The following CAPN3 variants were observed in gnomAD, a reference collection of about 807,000 sequenced individuals.
The protein encoded by CAPN3 is calpain 3, also known as calpain-3.
CAPN3 carries 88 observed loss-of-function variants against 114.0 expected under a neutral mutation model. That is an observed-to-expected ratio of 0.77 (90% CI 0.65 to 0.92). The LOEUF (loss-of-function observed/expected upper bound fraction) is 0.92. Among genes scored for constraint, CAPN3 ranks in the 40% least tolerant of loss-of-function variants. The probability of loss-of-function intolerance (pLI) is 0.00; values close to 1 mark genes in which losing one functional copy is unlikely to be tolerated. For missense variants in CAPN3, 1,028 were observed against 1,069.0 expected, an observed-to-expected ratio of 0.96 and a Z score of 0.53; for synonymous variants, 386 against 382.9, an observed-to-expected ratio of 1.01 and a Z score of -0.09.
intron 1 of CAPN3, among the ~76,000 whole-genome samples, chr15:42,377,649 C>T (rs1310181475): frequency 2.0e-5 from 3 of 152,166 alleles, no homozygotes; most frequent in Non-Finnish European, 4.4e-5. Context: ...GTATCTTTTA[C>T]TGGCTTGCAT....
At chr15:42,393,494 T>G (rs2053611434) in intron 7 of CAPN3, among the ~76,000 whole-genome samples, 1 of 152,200 alleles carries the variant, frequency 6.6e-6, no homozygotes, top group Admixed American at 6.5e-5. Context: ...AGGGATGGGC[T>G]GAGAGGGGCA....
chr15:42,390,185 G>A, intron 6 of CAPN3, 89 bp downstream of exon 6: 1 of 1,468,826 alleles, frequency 6.8e-7, no homozygotes, highest in East Asian at 2.3e-5. Flanking sequence ...CAGCAGCCAG[G>A]GCCTTACCCA....
rs2053879375 is a variant in CAPN3 at position 42,401,796 on chromosome 15, T to C, written c.1510T>C (p.Phe504Leu). The C allele has an allele frequency of 1.2e-6, 2 of 1,613,496 alleles. No homozygotes were observed. Among genetic ancestry groups the C allele is most frequent in the African/African-American group, 1.3e-5 (1 of 74,904 alleles). Residue 504 changes from phenylalanine to leucine, a missense_variant, in exon 11 of 24, where the codon TTC (phenylalanine) becomes CTC (leucine). Transcript: ENST00000397163. ...AGGGGCCAGTCTCTTCACCATTGGC[T>C]TCGCCATCTACGAGGTGTGCAGTCC... The part of the protein sequence containing the change: ...KLGASLFTIG[F>L]AIYEVPKEMH...
In CAPN3 at chr15:42,380,751, A is replaced by ATTT. The variant is rs59923448; in HGVS notation, c.310-3714_310-3712dup. 1.1e-3 allele frequency among the ~76,000 whole-genome samples: 69 copies of ATTT among 64,458 alleles called. 2 individuals are homozygous for ATTT. Among genetic ancestry groups the ATTT allele is most frequent in the African/African-American group, 5.5e-3 (61 of 11,178 alleles). 42.3% of individuals were successfully genotyped at this position (64,458 alleles called of 152,430 possible). A position where few individuals can be genotyped will look rare whatever the true frequency, so the allele number is the denominator to read the frequency against. The stretch of plus-strand genomic sequence containing the variant: ...CCCATATATATATATATATATATAT[A>ATTT]TTTTTTTTTTTTTTTTTTTTGTAAA... On this transcript the variant is annotated intron_variant, in intron 1 of 23. Transcript: ENST00000397163.
At chr15:42,360,225 C>A in intron 1 of CAPN3, 111 bp downstream of exon 1, 1 of 1,150,208 alleles carries the variant, frequency 8.7e-7, no homozygotes, top group Non-Finnish European at 1.3e-6. Context: ...AGGATCCTGG[C>A]AGCAGCTCTG....
intron 1 of CAPN3, among the ~76,000 whole-genome samples, chr15:42,369,952 A>T (rs1426010515): frequency 6.6e-6 from 1 of 150,502 alleles, no homozygotes; most frequent in Non-Finnish European, 1.5e-5. Context: ...GGCTTACTGC[A>T]ACATACATCT....
intron 1 of CAPN3, among the ~76,000 whole-genome samples, chr15:42,380,516 G>T (rs1372436801): frequency 6.8e-6 from 1 of 147,884 alleles, no homozygotes; most frequent in African/African-American, 2.5e-5. Context: ...GAGTAGCTGG[G>T]ACTACAGGTG....
intron 1 of CAPN3, among the ~76,000 whole-genome samples, chr15:42,377,142 A>G (rs1381477452): frequency 6.6e-6 from 1 of 151,880 alleles, no homozygotes; most frequent in Non-Finnish European, 1.5e-5. Context: ...TTTGTTTCCA[A>G]TATTTATATC....
chr15:42,394,004 C>T (rs1199992986), intron 7 of CAPN3, among the ~76,000 whole-genome samples: 1 of 152,074 alleles, frequency 6.6e-6, no homozygotes, highest in African/African-American at 2.4e-5. Flanking sequence ...GCAGGATGTT[C>T]CTGAGAAAAT....
At chr15:42,386,344 C>A in intron 3 of CAPN3, 59 bp downstream of exon 3, 1 of 1,157,618 alleles carries the variant, frequency 8.6e-7, no homozygotes. Flanking sequence ...CGCTGGTCTC[C>A]TGGCCTTGAC....
intron 1 of CAPN3, among the ~76,000 whole-genome samples, chr15:42,380,598 T>C (rs531381679): frequency 2.0e-5 from 3 of 147,728 alleles, no homozygotes; most frequent in South Asian, 2.1e-4. Flanking sequence ...TGTATATATA[T>C]GTATGTGTAT....
At position 42,405,944 on chromosome 15, in the gene CAPN3, G is replaced by T; in HGVS notation, c.1800+1G>T. The T allele has an allele frequency of 6.2e-7, 1 of 1,611,936 alleles. No homozygotes were observed. Among genetic ancestry groups the T allele is most frequent in the Non-Finnish European group, 8.5e-7 (1 of 1,178,024 alleles). On this transcript the variant is annotated splice_donor_variant, in intron 15 of 23. Transcript: ENST00000397163. LOFTEE classifies it high-confidence loss of function. Reference sequence around the variant, plus strand: ...TATGCAGAAAAAGAAAAAAACCAAGGTAGGTGTGTGGGTAGAGAGCATGAA... The same window carrying T: ...TATGCAGAAAAAGAAAAAAACCAAGTTAGGTGTGTGGGTAGAGAGCATGAA...
chr15:42,377,246 A>C (rs1320430581), intron 1 of CAPN3, among the ~76,000 whole-genome samples: 2 of 152,160 alleles, frequency 1.3e-5, no homozygotes, highest in African/African-American at 4.8e-5. Context: ...CTTTGTTCCT[A>C]GTCTTAAGGG....
chr15:42,403,860 A>T, intron 14 of CAPN3, 83 bp downstream of exon 14: 1 of 1,219,056 alleles, frequency 8.2e-7, no homozygotes, highest in Non-Finnish European at 1.2e-6. Context: ...GCAGGGGAGA[A>T]TGGGCACTGG....
At chr15:42,391,389 A>G (rs2053552379) in intron 6 of CAPN3, among the ~76,000 whole-genome samples, 1 of 152,146 alleles carries the variant, frequency 6.6e-6, no homozygotes, top group Non-Finnish European at 1.5e-5. Context: ...GAGTCATTTC[A>G]AGCAGCTTCC....
chr15:42,401,580 C>T lies in CAPN3; in HGVS notation c.1355-61C>T. Reference sequence around the variant, plus strand: ...TAGAAATAAATGGCTCCCTCTGTCTCATCCCCTTCCTGCCCTCTGAGAGGC... The same window carrying T: ...TAGAAATAAATGGCTCCCTCTGTCTTATCCCCTTCCTGCCCTCTGAGAGGC... On this transcript the variant is annotated intron_variant, in intron 10 of 23. Coordinates refer to ENST00000397163, the MANE Select transcript of CAPN3 (RefSeq NM_000070.3). 3 of 1,473,214 alleles carry T rather than the reference C, an allele frequency of 2.0e-6. No homozygotes were observed. In the South Asian group the frequency reaches 3.4e-5, roughly 17 times the overall value. 91.3% of individuals were successfully genotyped at this position (1,473,214 alleles called of 1,614,324 possible). A position where few individuals can be genotyped will look rare whatever the true frequency, so the allele number is the denominator to read the frequency against.
At chr15:42,379,039 C>T (rs993511835) in intron 1 of CAPN3, among the ~76,000 whole-genome samples, 20 of 152,212 alleles carry the variant, frequency 1.3e-4, no homozygotes, top group Middle Eastern at 3.4e-3. Flanking sequence ...GGTTGCCGGA[C>T]GCAGTGGCGC....
chr15:42,408,440 T>C (rs770468764), intron 16 of CAPN3, 116 bp downstream of exon 16: 29 of 711,060 alleles, frequency 4.1e-5, no homozygotes, highest in Admixed American at 3.3e-4. Context: ...ATCTGGAGGT[T>C]TGAATTTGTC....
chr15:42,364,880 G>A (rs1433768369), intron 1 of CAPN3, among the ~76,000 whole-genome samples: 1 of 152,210 alleles, frequency 6.6e-6, no homozygotes, highest in African/African-American at 2.4e-5. Context: ...TCCCAAAGCA[G>A]GGGCAACCTA....
Sources: allele counts gnomAD v4.1 joint callset (sites outside exome capture counted in the v4.1 genomes callset), GRCh38; gene constraint gnomAD v4.1.1; transcripts MANE v1.5; gene names NCBI Gene and HGNC (gene_info 2026-07-23, HGNC 2026-07-21).